Variants in PCDHGA4 observed in about 807,000 individuals in gnomAD.
PCDHGA4 encodes the protein protocadherin gamma-A4.
Under a neutral mutation model 54.6 loss-of-function variants are expected in PCDHGA4, and 38 were observed. The ratio of observed to expected loss-of-function variants is 0.70; its 90% CI spans 0.54 to 0.91. The LOEUF is 0.91. PCDHGA4 is among the 40% of genes least tolerant of loss of function. The pLI is 0.00. For missense variants in PCDHGA4, 1,298 were observed against 1,220.9 expected, an observed-to-expected ratio of 1.06 and a Z score of -0.94; for synonymous variants, 511 against 512.9, an observed-to-expected ratio of 1.00 and a Z score of 0.05.
chr5:141,362,548 A>G (rs759735052), intron 1 of PCDHGA4: 10 of 1,612,574 alleles, frequency 6.2e-6, no homozygotes, highest in African/African-American at 1.3e-5. Flanking sequence ...CTCAGATACT[A>G]TTTTGAAGGT....
Position 141,357,965 on chromosome 5 carries a change from G to A in PCDHGA4, c.2514+344G>A, listed in dbSNP as rs1265962605. Among the ~76,000 whole-genome samples, 3 of 152,122 alleles carry A rather than the reference G, an allele frequency of 2.0e-5. No homozygotes were observed. In the East Asian group the frequency reaches 5.8e-4, roughly 29 times the overall value. On this transcript the variant is annotated intron_variant, in intron 1 of 3. Coordinates refer to ENST00000571252, the MANE Select transcript of PCDHGA4 (RefSeq NM_018917.4). ...AACACTTTGGGAGTGTGAGGAGGAC[G>A]GATTGCCTGAGCTCAGGAGTTCGAG...
chr5:141,489,111 C>G lies in PCDHGA4; in HGVS notation c.2515-5696C>G. 1.9e-6 allele frequency: 1 copy of G among 518,042 alleles called. No individual in the cohort carries two copies. Among genetic ancestry groups the G allele is most frequent in the Non-Finnish European group, 3.2e-6 (1 of 308,182 alleles). The allele number at this position is 518,042 out of a possible 1,614,324, so 32.1% of individuals were successfully genotyped here. The stretch of plus-strand genomic sequence containing the variant: ...GTGACTAAGAACTGCTGCAAGCAGG[C>G]AAACCTCCGAGCAGTTTTTAAGAGG... On this transcript the variant is annotated intron_variant, in intron 1 of 3. Coordinates refer to ENST00000571252, the MANE Select transcript of PCDHGA4 (RefSeq NM_018917.4). This position sits in a 1 kb window ranked among gnomAD's most constrained non-coding sequence, Gnocchi z 4.5.
chr5:141,393,071 C>G (rs927273885), intron 1 of PCDHGA4: 1 of 1,613,680 alleles, frequency 6.2e-7, no homozygotes, highest in Non-Finnish European at 8.5e-7. Context: ...GCTTGATCAC[C>G]GCGGGCAGGA....
In PCDHGA4 at chr5:141,403,333, C is replaced by T. The variant is rs376895778; in HGVS notation, c.2514+45712C>T. On this transcript the variant is annotated intron_variant, in intron 1 of 3. Transcript: ENST00000571252. ...TAGAAATAGAAGTAACTGATATTAA[C>T]GACAGCGCCCCAAAGTTCCAGGCCG... is the stretch of plus-strand genomic sequence containing the variant. 5 of 1,613,866 alleles carry T rather than the reference C, an allele frequency of 3.1e-6. No homozygotes were observed. The African/African-American group carries it at 5.3e-5, about 17-fold the overall frequency.
chr5:141,395,435 T>A, intron 1 of PCDHGA4: 1 of 680,384 alleles, frequency 1.5e-6, no homozygotes, highest in Non-Finnish European at 2.3e-6. Context: ...TTTAAACGAC[T>A]TGGAAAAGAT....
At chr5:141,428,001 T>G (rs149531447) in intron 1 of PCDHGA4, 10 of 1,601,704 alleles carry the variant, frequency 6.2e-6, no homozygotes, top group Non-Finnish European at 8.5e-6. Flanking sequence ...CTCCGCACTC[T>G]TCGATATAGT....
At chr5:141,366,447 C>T in intron 1 of PCDHGA4, 1 of 1,614,210 alleles carries the variant, frequency 6.2e-7, no homozygotes, top group South Asian at 1.1e-5. Flanking sequence ...GTCTTCCTGG[C>T]CTTCGTCATC....
In PCDHGA4 at chr5:141,489,184, G is replaced by T; in HGVS notation, c.2515-5623G>T. ...TCAGCTGCTGCATTCCAAGCCCTGG[G>T]TCTACCTTGGAGACAGGACAGCACA... On this transcript the variant is annotated intron_variant, in intron 1 of 3. Transcript: ENST00000571252. This position sits in a 1 kb window ranked among gnomAD's most constrained non-coding sequence, Gnocchi z 4.5. 7.8e-7 allele frequency: 1 copy of T among 1,287,330 alleles called. No homozygotes were observed. Among genetic ancestry groups the T allele is most frequent in the Non-Finnish European group, 1.1e-6 (1 of 928,816 alleles). 79.7% of individuals were successfully genotyped at this position (1,287,330 alleles called of 1,614,324 possible).
chr5:141,417,023 T>C (rs2096074487), intron 1 of PCDHGA4: 1 of 139,106 alleles, frequency 7.2e-6, no homozygotes, highest in South Asian at 2.3e-4. Flanking sequence ...TTTTGAAAAA[T>C]ACAGGTTTTT....
rs1304750292 is a variant in PCDHGA4 at position 141,383,376 on chromosome 5, T to A, written c.2514+25755T>A. 7 of 1,613,980 alleles carry A rather than the reference T, an allele frequency of 4.3e-6. No homozygotes were observed. Among genetic ancestry groups the A allele is most frequent in the Non-Finnish European group, 5.1e-6 (6 of 1,179,894 alleles). ...GGTTTCCGTTAAGCGAGGCTGGGGA[T>A]CCAGATGTGGGCACGAACTCCCTCC... is the stretch of plus-strand genomic sequence containing the variant. On this transcript the variant is annotated intron_variant, in intron 1 of 3. Coordinates refer to ENST00000571252, the MANE Select transcript of PCDHGA4 (RefSeq NM_018917.4).
chr5:141,366,104 G>T (rs1764329842), intron 1 of PCDHGA4: 1 of 1,614,250 alleles, frequency 6.2e-7, no homozygotes, highest in Non-Finnish European at 8.5e-7. Context: ...GACCAAGGTG[G>T]TAGCGGTGGA....
intron 1 of PCDHGA4, among the ~76,000 whole-genome samples, chr5:141,439,398 T>C (rs2098110369): frequency 6.6e-6 from 1 of 152,212 alleles, no homozygotes; most frequent in Admixed American, 6.5e-5. Context: ...TTCGACTTCA[T>C]GTGCTAACAT....
intron 1 of PCDHGA4, among the ~76,000 whole-genome samples, chr5:141,448,768 G>T (rs544426582): frequency 2.6e-5 from 4 of 151,750 alleles, no homozygotes; most frequent in Non-Finnish European, 4.4e-5. Context: ...GTGAAACCCC[G>T]TCTGTACTAA....
At chr5:141,463,981 A>G (rs1441851777) in intron 1 of PCDHGA4, among the ~76,000 whole-genome samples, 1 of 152,150 alleles carries the variant, frequency 6.6e-6, no homozygotes, top group Non-Finnish European at 1.5e-5. Context: ...ACTCCATTGT[A>G]AAAACCAGGT....
At chr5:141,412,286 G>A (rs150947924) in intron 1 of PCDHGA4, 104 of 152,170 alleles carry the variant, frequency 6.8e-4, no homozygotes, top group African/African-American at 2.3e-3. Flanking sequence ...CAAATTCTAC[G>A]TATTTCTTTT....
rs761472193 is a variant in PCDHGA4 at position 141,370,472 on chromosome 5, C to A, written c.2514+12851C>A. 115 of 1,613,332 alleles carry A rather than the reference C, an allele frequency of 7.1e-5. No individual in the cohort carries two copies. The Admixed American group carries it at 1.9e-3, about 27-fold the overall frequency. On this transcript the variant is annotated intron_variant, in intron 1 of 3. Transcript: ENST00000571252. ...TTCTCTTCCTGCTCTCTTTGTTAGA[C>A]CAGGCTCTCTCCGAACCGATCCGCT...
Position 141,384,133 on chromosome 5 carries a change from C to G in PCDHGA4, c.2514+26512C>G, listed in dbSNP as rs770731491. The G allele has an allele frequency of 1.7e-5, 27 of 1,611,570 alleles. No homozygotes were observed. The highest frequency in any genetic ancestry group is 2.2e-5 in the Non-Finnish European group (26 of 1,178,832). ...ATTGGTCACAACCAAAAACTTGGACCGGGAAACACTCTCTTTGTATAACAT... is the reference window on the plus strand; with the variant it reads ...ATTGGTCACAACCAAAAACTTGGACGGGGAAACACTCTCTTTGTATAACAT... On this transcript the variant is annotated intron_variant, in intron 1 of 3. Coordinates refer to ENST00000571252, the MANE Select transcript of PCDHGA4 (RefSeq NM_018917.4).
chr5:141,373,350 A>G (rs1769502656), intron 1 of PCDHGA4, among the ~76,000 whole-genome samples: 1 of 152,206 alleles, frequency 6.6e-6, no homozygotes, highest in Non-Finnish European at 1.5e-5. Context: ...AACTCTTGTA[A>G]TGGGCACTGT....
intron 2 of PCDHGA4, 143 bp downstream of exon 2, chr5:141,495,008 G>A (rs2099758236): frequency 6.6e-7 from 1 of 1,521,900 alleles, no homozygotes; most frequent in Non-Finnish European, 8.8e-7. Context: ...TGGTGTGCGG[G>A]GGGCTGGCAC....
Sources: gnomAD v4.1 joint callset for allele counts (sites outside exome capture counted in the v4.1 genomes callset) on GRCh38, gnomAD v4.1.1 for gene constraint, Gnocchi (gnomAD v3.1) non-coding constraint, MANE v1.5 for transcripts, NCBI Gene and HGNC (gene_info 2026-07-23, HGNC 2026-07-21) for gene names.